Variants in GCSAML observed in about 807,000 individuals in gnomAD.
The protein encoded by GCSAML is germinal center associated signaling and motility like.
Under a neutral mutation model 13.0 loss-of-function variants are expected in GCSAML, and 9 were observed. The observed-to-expected ratio is 0.69, with a 90% CI of 0.42 to 1.21. The LOEUF (loss-of-function observed/expected upper bound fraction) is 1.21, where lower values mean the gene tolerates loss of function less well. Among genes scored for constraint, GCSAML ranks in the 50% most tolerant of loss-of-function variants. The pLI, the probability that GCSAML is intolerant of heterozygous loss-of-function variation, is 0.00. For missense variants in GCSAML, 143 were observed against 153.4 expected, an observed-to-expected ratio of 0.93 and a Z score of 0.36; for synonymous variants, 37 against 52.9, an observed-to-expected ratio of 0.70 and a Z score of 1.31.
chr1:247,532,169 G>A, intron 2 of GCSAML: 1 of 1,614,068 alleles, frequency 6.2e-7, no homozygotes, highest in Non-Finnish European at 8.5e-7. Flanking sequence ...GTGGCCAGCA[G>A]GACACACTCG....
chr1:247,565,738 G>A, intron 3 of GCSAML, 193 bp from the exon 4 acceptor site: 1 of 543,242 alleles, frequency 1.8e-6, no homozygotes, highest in Non-Finnish European at 3.2e-6. Context: ...GTTCTTTCTT[G>A]ATTTTTTCAC....
rs114249332 is a variant in GCSAML, at chr1:247,523,822, G to A, written c.-262-3118G>A. Among the ~76,000 whole-genome samples, 1,056 of 152,066 alleles carry A rather than the reference G, an allele frequency of 6.9e-3. 10 individuals carry two copies. The highest frequency in any genetic ancestry group is 0.024 in the African/African-American group (995 of 41,468). ...TATTAAAAGTGTTACAAATGTGAAT[G>A]AAATAAAATAAATGAATAAATATTA... On this transcript the variant is annotated intron_variant, in intron 1 of 5. Transcript: ENST00000366489.
At chr1:247,569,937 A>G (rs931291001) in intron 4 of GCSAML, among the ~76,000 whole-genome samples, 7 of 152,116 alleles carry the variant, frequency 4.6e-5, no homozygotes, top group African/African-American at 1.7e-4. Flanking sequence ...TAGTCTTGGA[A>G]GGTGTGTGTG....
chr1:247,517,911 T>G (rs1666269739), intron 1 of GCSAML, among the ~76,000 whole-genome samples: 1 of 152,184 alleles, frequency 6.6e-6, no homozygotes, highest in African/African-American at 2.4e-5. Flanking sequence ...CTGCTGGGGT[T>G]CTGGAGAGGC....
At chr1:247,520,651 G>A (rs180897777) in intron 1 of GCSAML, among the ~76,000 whole-genome samples, 178 of 152,202 alleles carry the variant, frequency 1.2e-3, no homozygotes, top group Non-Finnish European at 1.9e-3. Context: ...ATTTGGATAC[G>A]TTTTTGCCTT....
chr1:247,548,430 A>T (rs1443835312), upstream of GCSAML, among the ~76,000 whole-genome samples: 1 of 152,234 alleles, frequency 6.6e-6, no homozygotes, highest in Non-Finnish European at 1.5e-5. This position sits in a 1 kb window ranked among gnomAD's most constrained non-coding sequence, Gnocchi z 5.3. Flanking sequence ...TTGAGCTGAC[A>T]ACCAGAACAA....
At chr1:247,534,762 C>G (rs1431668038) in intron 2 of GCSAML, among the ~76,000 whole-genome samples, 1 of 152,126 alleles carries the variant, frequency 6.6e-6, no homozygotes, top group East Asian at 1.9e-4. Context: ...AACTGGAAGT[C>G]AATTAAACAA....
intron 1 of GCSAML, among the ~76,000 whole-genome samples, chr1:247,515,609 T>C (rs1666183405): frequency 6.6e-6 from 1 of 152,092 alleles, no homozygotes; most frequent in Non-Finnish European, 1.5e-5. Flanking sequence ...TGTACGGGAA[T>C]CATGACTAGG....
chr1:247,509,439 T>C (rs1046505884), intron 1 of GCSAML, among the ~76,000 whole-genome samples: 17 of 152,224 alleles, frequency 1.1e-4, no homozygotes, highest in Non-Finnish European at 2.4e-4. Flanking sequence ...TATACAATCA[T>C]GTCATCTGCA....
At chr1:247,546,420 G>A (rs1009515355), upstream of GCSAML, among the ~76,000 whole-genome samples, 22 of 152,110 alleles carry the variant, frequency 1.4e-4, no homozygotes, top group African/African-American at 2.2e-4. Flanking sequence ...GTGCAGTGGC[G>A]CGATCTCGGC....
upstream of GCSAML, among the ~76,000 whole-genome samples, chr1:247,544,481 A>G (rs376801958): frequency 2.6e-5 from 4 of 152,314 alleles, no homozygotes; most frequent in East Asian, 5.8e-4. Context: ...TTAGATTTGC[A>G]AATATATTGT....
chr1:247,574,011 A>T, intron 4 of GCSAML, 132 bp from the exon 5 acceptor site: 1 of 904,340 alleles, frequency 1.1e-6, no homozygotes, highest in South Asian at 1.6e-5. Flanking sequence ...GGTGTACAGG[A>T]ATGCTTGGGT....
At chr1:247,567,241 C>T (rs183748258) in intron 4 of GCSAML, among the ~76,000 whole-genome samples, 139 of 151,932 alleles carry the variant, frequency 9.1e-4, no homozygotes, top group African/African-American at 3.2e-3. Context: ...ACATGTGCCA[C>T]GGTGCTTTGC....
intron 2 of GCSAML, chr1:247,528,062 C>T (rs987113074): frequency 3.3e-5 from 5 of 152,102 alleles, no homozygotes; most frequent in South Asian, 4.1e-4. Flanking sequence ...TCTGTTTCTT[C>T]GGTCTTTGGG....
In GCSAML at chr1:247,574,211, A is replaced by ATCTCT. The variant is rs762993784; in HGVS notation, c.239_240insTCTTC (p.Ser81LeufsTer4). On this transcript the variant is annotated frameshift_variant, in exon 5 of 5. Transcript: ENST00000366488. LOFTEE classifies it low-confidence loss of function (END_TRUNC). ...TCATTAATCACATCCCCCATCAGAG[A>ATCTCT]TCCTCCCTGAGCTCCAATGATGATG... The ATCTCT allele has an allele frequency of 6.2e-7, 1 of 1,614,024 alleles. No individual in the cohort carries two copies. The highest frequency in any genetic ancestry group is 2.2e-5 in the East Asian group (1 of 44,864).
intron 3 of GCSAML, 28 bp downstream of exon 3, chr1:247,563,667 A>G (rs1216857414): frequency 7.4e-7 from 1 of 1,360,514 alleles, no homozygotes; most frequent in East Asian, 2.3e-5. Context: ...AATATTTTTC[A>G]TAGTAGGGAA....
intron 2 of GCSAML, among the ~76,000 whole-genome samples, chr1:247,540,078 C>G (rs887296214): frequency 6.6e-6 from 1 of 152,180 alleles, no homozygotes; most frequent in African/African-American, 2.4e-5. Context: ...GTCTCTCTCT[C>G]TCTCTCTTTT....
intron 2 of GCSAML, among the ~76,000 whole-genome samples, chr1:247,537,655 C>T (rs1296681671): frequency 6.6e-6 from 1 of 152,138 alleles, no homozygotes; most frequent in Non-Finnish European, 1.5e-5. Context: ...TGTTATTTTC[C>T]ACTTTTTACA....
intron 1 of GCSAML, among the ~76,000 whole-genome samples, chr1:247,551,498 G>A (rs544855180): frequency 6.6e-6 from 1 of 152,310 alleles, no homozygotes; most frequent in Non-Finnish European, 1.5e-5. Context: ...ATGCAATGTG[G>A]CATGTATTTT....
Sources: allele counts gnomAD v4.1 joint callset (sites outside exome capture counted in the v4.1 genomes callset), GRCh38; gene constraint gnomAD v4.1.1; non-coding constraint Gnocchi (gnomAD v3.1); transcripts MANE v1.5; gene names NCBI Gene and HGNC (gene_info 2026-07-23, HGNC 2026-07-21).